Variants in BCL9 observed in about 807,000 individuals in gnomAD.
BCL9 encodes B-cell CLL/lymphoma 9 protein.
Under a neutral mutation model 88.5 loss-of-function variants are expected in BCL9, and 25 were observed. The ratio of observed to expected loss-of-function variants is 0.28; its 90% CI spans 0.21 to 0.39. BCL9 has a LOEUF of 0.39. Ranked by LOEUF, BCL9 falls within the 10% of genes least tolerant of loss-of-function variation. The pLI, the probability that BCL9 is intolerant of heterozygous loss-of-function variation, is 1.00. For synonymous variants in BCL9, 711 were observed against 673.3 expected, an observed-to-expected ratio of 1.06 and a Z score of -0.87; for missense variants, 1,817 against 1,877.8, an observed-to-expected ratio of 0.97 and a Z score of 0.60.
intron 1 of BCL9, among the ~76,000 whole-genome samples, chr1:147,576,831 G>A (rs1656132909): frequency 6.6e-6 from 1 of 152,158 alleles, no homozygotes; most frequent in Admixed American, 6.5e-5. Context: ...TGCCTACAGT[G>A]TGCAAAATAA....
At chr1:147,545,943 A>C (rs1409231186) in intron 1 of BCL9, among the ~76,000 whole-genome samples, 1 of 152,122 alleles carries the variant, frequency 6.6e-6, no homozygotes, top group Non-Finnish European at 1.5e-5. Context: ...AGCTAATTAA[A>C]TCTCCTTGTT....
At chr1:147,600,057 C>T (rs1429063511) in intron 1 of BCL9, 1 of 122,296 alleles carries the variant, frequency 8.2e-6, no homozygotes, top group African/African-American at 3.1e-5. Flanking sequence ...GCGGGGCCGG[C>T]TGTACCTTTC....
chr1:147,581,324 G>A (rs1656361070), intron 1 of BCL9, among the ~76,000 whole-genome samples: 1 of 152,044 alleles, frequency 6.6e-6, no homozygotes, highest in Non-Finnish European at 1.5e-5. Flanking sequence ...TCAGTTTCTA[G>A]ACCAAACTGT....
intron 7 of BCL9, 98 bp downstream of exon 7, chr1:147,616,000 T>C: frequency 8.6e-7 from 1 of 1,161,906 alleles, no homozygotes; most frequent in Non-Finnish European, 1.2e-6. Context: ...GTAGTCTTGA[T>C]GGCATGAGTT....
At chr1:147,565,781 T>G (rs1359010563) in intron 1 of BCL9, among the ~76,000 whole-genome samples, 1 of 152,190 alleles carries the variant, frequency 6.6e-6, no homozygotes, top group Non-Finnish European at 1.5e-5. Context: ...TATAAAACAC[T>G]CTTGCTCATA....
chr1:147,601,957 G>C (rs587683706), intron 1 of BCL9, among the ~76,000 whole-genome samples: 2 of 152,328 alleles, frequency 1.3e-5, no homozygotes, highest in South Asian at 4.1e-4. Flanking sequence ...CTGAAGTTCA[G>C]TGGTGCAATA....
At chr1:147,543,647 T>C (rs1394588059) in intron 1 of BCL9, among the ~76,000 whole-genome samples, 2 of 152,242 alleles carry the variant, frequency 1.3e-5, no homozygotes, top group African/African-American at 4.8e-5. Context: ...GGTCCAGATA[T>C]CTTCCTAAAA....
intron 1 of BCL9, among the ~76,000 whole-genome samples, chr1:147,570,633 T>TTCA (rs67626401): frequency 2.9e-4 from 1 of 3,470 alleles, no homozygotes; most frequent in Non-Finnish European, 1.6e-3. Flanking sequence ...TGATTTTCTT[T>TTCA]TTTTTCTTTT....
chr1:147,566,393 A>AC (rs1192169613), intron 1 of BCL9, among the ~76,000 whole-genome samples: 3 of 151,636 alleles, frequency 2.0e-5, no homozygotes, highest in Non-Finnish European at 2.9e-5. Context: ...AATTCAGGGG[A>AC]CCCCCCTGAA....
chr1:147,577,095 C>T (rs956795241), intron 1 of BCL9, among the ~76,000 whole-genome samples: 1 of 151,840 alleles, frequency 6.6e-6, no homozygotes. Context: ...CAGAAGTGAT[C>T]GAACCAAGAA....
Position 147,623,957 on chromosome 1 carries a change from C to G in BCL9, c.3279C>G (p.Pro1093=), listed in dbSNP as rs782089979. Residue 1093 remains proline, a synonymous_variant, in exon 10 of 10, where the codon CCC becomes CCG. Coordinates refer to ENST00000234739, the MANE Select transcript of BCL9 (RefSeq NM_004326.4). The part of the protein sequence containing the change: ...TQPLSHSNQM[P]SPNAVGPNIP... ...CACTTTCTCACTCCAATCAGATGCC[C>G]TCTCCAAATGCCGTGGGACCCAACA... The G allele has an allele frequency of 3.1e-6, 5 of 1,614,234 alleles. No individual in the cohort carries two copies. Among genetic ancestry groups the G allele is most frequent in the Non-Finnish European group, 8.5e-7 (1 of 1,180,044 alleles).
intron 1 of BCL9, among the ~76,000 whole-genome samples, chr1:147,569,473 C>CAAAAAAAAAA (rs79619243): frequency 4.8e-5 from 6 of 124,810 alleles, no homozygotes; most frequent in Non-Finnish European, 6.5e-5. Flanking sequence ...TACTAAAATA[C>CAAAAAAAAAA]AAAAAAAAAA....
At chr1:147,603,902 C>A (rs1657524300) in intron 1 of BCL9, among the ~76,000 whole-genome samples, 1 of 151,804 alleles carries the variant, frequency 6.6e-6, no homozygotes, top group African/African-American at 2.4e-5. Flanking sequence ...TTTAAATGCA[C>A]AAAATAAAAT....
chr1:147,564,852 T>C (rs1036010858), intron 1 of BCL9, among the ~76,000 whole-genome samples: 3 of 152,210 alleles, frequency 2.0e-5, no homozygotes, highest in Non-Finnish European at 4.4e-5. Context: ...CTGGCTTACA[T>C]AAAGTTAATA....
intron 1 of BCL9, among the ~76,000 whole-genome samples, chr1:147,599,805 T>G (rs1657258935): frequency 8.3e-6 from 1 of 120,524 alleles, no homozygotes; most frequent in African/African-American, 3.2e-5. Flanking sequence ...TGCGGCTGCC[T>G]GGTGGGCAGG....
chr1:147,570,653 T>TTTTTTG (rs1481643504), intron 1 of BCL9, among the ~76,000 whole-genome samples: 5 of 51,260 alleles, frequency 9.8e-5, no homozygotes, highest in African/African-American at 2.0e-4. Context: ...TTTTTTTTTG[T>TTTTTTG]AGATGGAGTT....
At chr1:147,571,366 C>T (rs781813877) in intron 1 of BCL9, among the ~76,000 whole-genome samples, 3 of 152,114 alleles carry the variant, frequency 2.0e-5, no homozygotes, top group Non-Finnish European at 2.9e-5. Flanking sequence ...TCCCATTCTG[C>T]AGAGAAAGAC....
At chr1:147,579,442 T>C (rs1553198394) in intron 1 of BCL9, among the ~76,000 whole-genome samples, 1 of 152,176 alleles carries the variant, frequency 6.6e-6, no homozygotes, top group Non-Finnish European at 1.5e-5. Flanking sequence ...TAATAAATGC[T>C]TCCTTAGAAA....
chr1:147,551,399 TTGAA>T (rs1209922541), intron 1 of BCL9, among the ~76,000 whole-genome samples: 2 of 152,214 alleles, frequency 1.3e-5, no homozygotes, highest in African/African-American at 4.8e-5. Context: ...TACATGCTGA[TTGAA>T]TGAAGGATAG....
Sources: allele counts gnomAD v4.1 joint callset (sites outside exome capture counted in the v4.1 genomes callset), GRCh38; gene constraint gnomAD v4.1.1; transcripts MANE v1.5; gene names NCBI Gene and HGNC (gene_info 2026-07-23, HGNC 2026-07-21).